Variants in MBLAC2 observed in about 807,000 individuals in gnomAD.
The protein encoded by MBLAC2 is acyl-coenzyme A thioesterase MBLAC2.
MBLAC2 carries 24 observed loss-of-function variants against 23.3 expected under a neutral mutation model. The ratio of observed to expected loss-of-function variants is 1.03; its 90% CI spans 0.75 to 1.45. The LOEUF is 1.45. Ranked by LOEUF, MBLAC2 falls within the 40% of genes most tolerant of loss-of-function variation. MBLAC2 has a pLI of 0.00. For synonymous variants in MBLAC2, 162 were observed against 150.9 expected (o/e 1.07, Z -0.54); for missense variants, 358 against 370.0 (o/e 0.97, Z 0.27).
intron 1 of MBLAC2, among the ~76,000 whole-genome samples, chr5:90,468,398 C>T (rs1329307669): frequency 6.6e-6 from 1 of 151,716 alleles, no homozygotes; most frequent in Non-Finnish European, 1.5e-5. Flanking sequence ...TTTTTTAATT[C>T]CTTTTTCTTC....
chr5:90,467,756 GTTT>G (rs1561239746), intron 1 of MBLAC2, among the ~76,000 whole-genome samples: 9 of 142,300 alleles, frequency 6.3e-5, no homozygotes, highest in South Asian at 2.2e-4. Context: ...GGGGGGGGCG[GTTT>G]GTTTGTTTTT....
chr5:90,470,797 C>G (rs1346453053), intron 1 of MBLAC2, among the ~76,000 whole-genome samples: 1 of 143,764 alleles, frequency 7.0e-6, no homozygotes, highest in Non-Finnish European at 1.5e-5. Context: ...CTTTCTTTCT[C>G]CTGTTTTCCA....
chr5:90,472,947 T>C (rs1561241378), intron 1 of MBLAC2: 1 of 152,276 alleles, frequency 6.6e-6, no homozygotes, highest in East Asian at 1.9e-4. Context: ...AAAAAGAAAA[T>C]AGAAAACTAA....
At chr5:90,473,463 C>T in intron 1 of MBLAC2, 1 of 568,566 alleles carries the variant, frequency 1.8e-6, no homozygotes, top group Non-Finnish European at 3.1e-6. Flanking sequence ...AAAGTCTGCT[C>T]ACTACGAAAG....
intron 1 of MBLAC2, among the ~76,000 whole-genome samples, chr5:90,471,264 T>G (rs1750545154): frequency 6.6e-6 from 1 of 152,168 alleles, no homozygotes; most frequent in Non-Finnish European, 1.5e-5. Flanking sequence ...GCAAATGACT[T>G]AAGTCCACCT....
At chr5:90,462,652 T>C (rs1272600817) in intron 1 of MBLAC2, among the ~76,000 whole-genome samples, 1 of 152,184 alleles carries the variant, frequency 6.6e-6, no homozygotes, top group Non-Finnish European at 1.5e-5. Flanking sequence ...AGTAATTTTA[T>C]GAGAATGTAC....
Position 90,474,747 on chromosome 5 carries a change from A to C in MBLAC2, c.-455T>G. Reference sequence around the variant, plus strand: ...GGCGCGCACTCCCAGCTGGCGCAGAAAGTGTGGGGCCTCGCGGGTTGTACG... The same window carrying C: ...GGCGCGCACTCCCAGCTGGCGCAGACAGTGTGGGGCCTCGCGGGTTGTACG... On this transcript the variant is annotated 5_prime_UTR_variant, in exon 1 of 2. Coordinates refer to ENST00000316610, the MANE Select transcript of MBLAC2 (RefSeq NM_203406.2). 1 of 192,188 alleles carries C rather than the reference A, an allele frequency of 5.2e-6. No homozygotes were observed. The allele number at this position is 192,188 out of a possible 1,614,324, so 11.9% of individuals were successfully genotyped here. A position where few individuals can be genotyped will look rare whatever the true frequency, so the allele number is the denominator to read the frequency against.
chr5:90,474,126 T>A lies in MBLAC2; in HGVS notation c.167A>T (p.Tyr56Phe). The stretch of plus-strand genomic sequence containing the variant: ...CTGCAAGAGGCCGGAGGAGTACAGG[T>A]ACTCCGGGAGGCTGCGCAGCCCCAG... ...TGLGLRSLPEYLYSSGLLQDR... is the reference protein window; with the variant it reads ...TGLGLRSLPEFLYSSGLLQDR... Residue 56 changes from tyrosine (Y) to phenylalanine (F), a missense_variant, in exon 1 of 2, where the codon TAC becomes TTC. Transcript: ENST00000316610. 1 of 1,583,454 alleles carries A rather than the reference T, an allele frequency of 6.3e-7. No homozygotes were observed. The highest frequency in any genetic ancestry group is 8.6e-7 in the Non-Finnish European group (1 of 1,164,642).
In MBLAC2 at chr5:90,459,193, G is replaced by T. The variant is rs1424028483; in HGVS notation, c.*1974C>A. 1 of 152,478 alleles carries T rather than the reference G, an allele frequency of 6.6e-6. No homozygotes were observed. Among genetic ancestry groups the T allele is most frequent in the African/African-American group, 2.4e-5 (1 of 41,426 alleles). The allele number at this position is 152,478 out of a possible 1,614,324, so 9.4% of individuals were successfully genotyped here. A position where few individuals can be genotyped will look rare whatever the true frequency, so the allele number is the denominator to read the frequency against. On this transcript the variant is annotated 3_prime_UTR_variant, in exon 2 of 2. Transcript: ENST00000316610. ...ATCATTATTCTCAATGTTGCACTCA[G>T]TTGAAAGAGACCTACTACCTTGAAT...
intron 1 of MBLAC2, among the ~76,000 whole-genome samples, chr5:90,471,159 C>T (rs866874731): frequency 6.6e-6 from 1 of 152,188 alleles, no homozygotes; most frequent in South Asian, 2.1e-4. Context: ...AAATTGAAAT[C>T]ACGATTTTTT....
rs967640324 is a variant in MBLAC2, at chr5:90,460,107, A to G, written c.*1060T>C. ...TTTACGAACATAGACTTCTCTATTC[A>G]AGACAAAGAATACTGAACAGGAATA... is the stretch of plus-strand genomic sequence containing the variant. On this transcript the variant is annotated 3_prime_UTR_variant, in exon 2 of 2. Coordinates refer to ENST00000316610, the MANE Select transcript of MBLAC2 (RefSeq NM_203406.2). The G allele has an allele frequency of 5.2e-5, 8 of 152,614 alleles. No individual in the cohort carries two copies. The highest frequency in any genetic ancestry group is 1.0e-4 in the Non-Finnish European group (7 of 68,004). The allele number at this position is 152,614 out of a possible 1,614,324, so 9.5% of individuals were successfully genotyped here. A position where few individuals can be genotyped will look rare whatever the true frequency, so the allele number is the denominator to read the frequency against.
chr5:90,473,527 G>C (rs931156627), intron 1 of MBLAC2: 9 of 600,428 alleles, frequency 1.5e-5, no homozygotes, highest in Non-Finnish European at 2.6e-5. Flanking sequence ...TCCCTAGTCA[G>C]TCACAAGTCT....
At chr5:90,472,739 G>A (rs1323450139) in intron 1 of MBLAC2, 1 of 151,950 alleles carries the variant, frequency 6.6e-6, no homozygotes, top group Non-Finnish European at 1.5e-5. Flanking sequence ...AGGAAAGAAG[G>A]GGCCTTTCAC....
chr5:90,470,426 G>A (rs368119194), intron 1 of MBLAC2, among the ~76,000 whole-genome samples: 8 of 151,986 alleles, frequency 5.3e-5, no homozygotes, highest in Non-Finnish European at 7.4e-5. Flanking sequence ...CATTGTATGC[G>A]TTTATCAAAA....
chr5:90,474,006 T>C lies in MBLAC2; in HGVS notation c.287A>G (p.Asp96Gly). 1 of 1,595,228 alleles carries C rather than the reference T, an allele frequency of 6.3e-7. No homozygotes were observed. Among genetic ancestry groups the C allele is most frequent in the Non-Finnish European group, 8.5e-7 (1 of 1,172,392 alleles). The change falls in exon 1 of 2, where the codon GAC becomes GGC. Residue 96 changes from aspartate to glycine, a missense_variant. By Grantham distance (94) the Asp-to-Gly change is moderately conservative. Coordinates refer to ENST00000316610, the MANE Select transcript of MBLAC2 (RefSeq NM_203406.2). The stretch of plus-strand genomic sequence containing the variant: ...CTCGGCGTGGTGCACTGCCACGCGG[T>C]CGAACTGGTAGAGGCCGCCGGAGTG... ...FDHSGGLYQF[D>G]RVAVHHAEAE...
At position 90,473,963 on chromosome 5, in the gene MBLAC2, G is replaced by A. The variant is rs1344634375; in HGVS notation, c.330C>T (p.Arg110=). The change falls in exon 1 of 2, where the codon CGC becomes CGT. Residue 110 remains arginine, a synonymous_variant. Coordinates refer to ENST00000316610, the MANE Select transcript of MBLAC2 (RefSeq NM_203406.2). ...AGGTCACGGTCTCAAAGTTGTCCCCGCGAGCCAGCGCCTCGGCCTCGGCGT... is the reference window on the plus strand; with the variant it reads ...AGGTCACGGTCTCAAAGTTGTCCCCACGAGCCAGCGCCTCGGCCTCGGCGT... The part of the protein sequence containing the change: ...VHHAEAEALA[R]GDNFETVTWL... 3.8e-6 allele frequency: 6 copies of A among 1,599,072 alleles called. No individual in the cohort carries two copies. The African/African-American group carries it at 5.3e-5, about 14-fold the overall frequency.
At chr5:90,467,396 GAT>G (rs1336976030) in intron 1 of MBLAC2, among the ~76,000 whole-genome samples, 3 of 152,080 alleles carry the variant, frequency 2.0e-5, no homozygotes, top group Non-Finnish European at 4.4e-5. Context: ...TTAGAATTGT[GAT>G]ATTTTCCTGT....
At chr5:90,472,986 T>C (rs1287999869) in intron 1 of MBLAC2, 1 of 152,202 alleles carries the variant, frequency 6.6e-6, no homozygotes, top group Non-Finnish European at 1.5e-5. Flanking sequence ...TGTGGCGAAT[T>C]AGCTCAATTA....
Position 90,461,332 on chromosome 5 carries a change from C to T in MBLAC2, c.675G>A (p.Glu225=), listed in dbSNP as rs1197117992. ...LIELVDRGLV[E]KVLPGHFNTF... ...TATTGAAGTGCCCAGGAAGCACCTT[C>T]TCTACCAGACCTCTGTCCACTAATT... Residue 225 remains glutamate (E), a synonymous_variant, in exon 2 of 2, where the codon GAG becomes GAA. Transcript: ENST00000316610. 6.2e-7 allele frequency: 1 copy of T among 1,614,192 alleles called. No homozygotes were observed. The highest frequency in any genetic ancestry group is 1.1e-5 in the South Asian group (1 of 91,088).
Sources: allele counts gnomAD v4.1 joint callset (sites outside exome capture counted in the v4.1 genomes callset), GRCh38; gene constraint gnomAD v4.1.1; transcripts MANE v1.5; gene names NCBI Gene and HGNC (gene_info 2026-07-23, HGNC 2026-07-21).